KIF1A: variants seen among roughly 807,000 people sequenced by gnomAD.
KIF1A encodes the protein kinesin family member 1A, also known as kinesin-like protein KIF1A.
KIF1A carries 46 observed loss-of-function variants against 227.3 expected under a neutral mutation model. That is an observed-to-expected ratio of 0.20 (90% CI 0.16 to 0.26). KIF1A has a LOEUF of 0.26. Among genes scored for constraint, KIF1A ranks in the 10% least tolerant of loss-of-function variants. KIF1A has a pLI of 1.00. For missense variants in KIF1A, 1,683 were observed against 2,485.9 expected (o/e 0.68, Z 6.87); for synonymous variants, 1,022 against 1,012.8 (o/e 1.01, Z -0.17).
At chr2:240,800,105 G>GACACACACACACACACACACAC (rs3220094) in intron 1 of KIF1A, among the ~76,000 whole-genome samples, 2 of 142,960 alleles carry the variant, frequency 1.4e-5, no homozygotes, top group Non-Finnish European at 3.0e-5. Context: ...GTCCAAAGCA[G>GACACACACACACACACACACAC]ACACACACAC....
In KIF1A at chr2:240,716,663, G is replaced by A. The variant is rs1366245278; in HGVS notation, c.*701C>T. On this transcript the variant is annotated 3_prime_UTR_variant, in exon 49 of 49. Coordinates refer to ENST00000498729, the MANE Select transcript of KIF1A (RefSeq NM_001244008.2). ...GAGATGTGCGTTCTCCCTCCCACCA[G>A]AGGAACTCACACCACCCTCCATGCC... 1 of 152,286 alleles carries A rather than the reference G, an allele frequency of 6.6e-6. No homozygotes were observed. Among genetic ancestry groups the A allele is most frequent in the Non-Finnish European group, 1.5e-5 (1 of 68,068 alleles). The allele number at this position is 152,286 out of a possible 1,614,324, so 9.4% of individuals were successfully genotyped here.
chr2:240,751,929 G>T (rs893990626), intron 27 of KIF1A, among the ~76,000 whole-genome samples: 1 of 152,094 alleles, frequency 6.6e-6, no homozygotes, highest in Non-Finnish European at 1.5e-5. Context: ...CCCCTTGGCC[G>T]TCTCGTTCAT....
At chr2:240,721,148 C>T in intron 44 of KIF1A, 110 bp from the exon 45 acceptor site, 20 of 1,379,898 alleles carry the variant, frequency 1.4e-5, no homozygotes, top group Non-Finnish European at 1.9e-5. Flanking sequence ...TTAGGGCACC[C>T]CACCCCTCCT....
At chr2:240,798,307 C>G (rs2056626977) in intron 1 of KIF1A, among the ~76,000 whole-genome samples, 1 of 152,248 alleles carries the variant, frequency 6.6e-6, no homozygotes, top group Non-Finnish European at 1.5e-5. Flanking sequence ...AGTGTGGTCT[C>G]TGAATTAGCA....
rs777572818 is a variant in KIF1A at position 240,740,288 on chromosome 2, G to A, written c.3816+10C>T. On this transcript the variant is annotated intron_variant, in intron 36 of 48. Transcript: ENST00000498729. The surrounding 1 kb of genome is among the most constrained non-coding windows in gnomAD (Gnocchi z 6.1). The stretch of plus-strand genomic sequence containing the variant: ...GACACAGGCAGGGTAGGGGCAAGAG[G>A]GGCTCACACCTGGTGGAGGAGGAAG... 5.0e-6 allele frequency: 8 copies of A among 1,611,364 alleles called. No homozygotes were observed. The highest frequency in any genetic ancestry group is 4.4e-5 in the South Asian group (4 of 90,832).
Position 240,807,130 on chromosome 2 carries a change from G to GTGTGTA in KIF1A, c.-60-9319_-60-9318insTACACA, listed in dbSNP as rs1356399506. On this transcript the variant is annotated intron_variant, in intron 1 of 48. Transcript: ENST00000498729. ...TGTGTGTGTGTGTGTGTGTGTGTGT[G>GTGTGTA]TATATATATATATATATATATACAC... Among the ~76,000 whole-genome samples the GTGTGTA allele has an allele frequency of 1.9e-3, 225 of 119,390 alleles. 1 individual carries two copies. The highest frequency in any genetic ancestry group is 6.0e-3 in the East Asian group (26 of 4,328). 78.3% of individuals were successfully genotyped at this position (119,390 alleles called of 152,430 possible).
Position 240,744,039 on chromosome 2 carries a change from A to C in KIF1A, c.3487T>G (p.Ser1163Ala), listed in dbSNP as rs527346259. ...TGGCTCTTGATGTACTCAATGAAGG[A>C]CTTGGTCACCTCCACTGCGATCTGG... ...VQNIAVEVTKSFIEYIKSQPI... is the reference protein window; with the variant it reads ...VQNIAVEVTKAFIEYIKSQPI... Residue 1163 changes from serine (S) to alanine (A), a missense_variant, in exon 33 of 49, where the codon TCC (serine) becomes GCC (alanine). Around this residue, in one of 12 missense-constraint regions of KIF1A, gnomAD observed 759 missense variants for 1,020.2 expected, o/e 0.74. Coordinates refer to ENST00000498729, the MANE Select transcript of KIF1A (RefSeq NM_001244008.2). The C allele has an allele frequency of 2.5e-6, 4 of 1,613,534 alleles. No homozygotes were observed. The highest frequency in any genetic ancestry group is 1.7e-4 in the Middle Eastern group (1 of 6,060).
At chr2:240,818,084 G>A (rs966188267) in intron 1 of KIF1A, among the ~76,000 whole-genome samples, 2 of 152,252 alleles carry the variant, frequency 1.3e-5, no homozygotes, top group African/African-American at 4.8e-5. Context: ...ACCCGGCTGG[G>A]AGCAGGGCTG....
rs946705746 is a variant in KIF1A, at chr2:240,778,217, C to G, written c.883-2291G>C. Reference sequence around the variant, plus strand: ...CCGGTCACACCATTCATCAAGTTTCCCCACAAGTTCCACACGCAATTCTGT... The same window carrying G: ...CCGGTCACACCATTCATCAAGTTTCGCCACAAGTTCCACACGCAATTCTGT... On this transcript the variant is annotated intron_variant, in intron 10 of 48. Transcript: ENST00000498729. The surrounding 1 kb of genome is among the most constrained non-coding windows in gnomAD (Gnocchi z 7.2). 2.6e-5 allele frequency among the ~76,000 whole-genome samples: 4 copies of G among 152,120 alleles called. No homozygotes were observed. Among genetic ancestry groups the G allele is most frequent in the African/African-American group, 9.7e-5 (4 of 41,404 alleles).
chr2:240,757,997 G>A lies in KIF1A; in HGVS notation c.2582+363C>T, dbSNP rs989177238. 6.6e-6 allele frequency among the ~76,000 whole-genome samples: 1 copy of A among 152,356 alleles called. No homozygotes were observed. Among genetic ancestry groups the A allele is most frequent in the African/African-American group, 2.4e-5 (1 of 41,592 alleles). On this transcript the variant is annotated intron_variant, in intron 26 of 48. Coordinates refer to ENST00000498729, the MANE Select transcript of KIF1A (RefSeq NM_001244008.2). This position sits in a 1 kb window ranked among gnomAD's most constrained non-coding sequence, Gnocchi z 6.2. The stretch of plus-strand genomic sequence containing the variant: ...GGAGGCAGCCATTTGTAAGGCTCAG[G>A]TGACACAGCCCTGCCTCCATGTTCC...
chr2:240,760,799 A>T lies in KIF1A; in HGVS notation c.2310T>A (p.Pro770=), dbSNP rs762501472. 2 of 1,604,008 alleles carry T rather than the reference A, an allele frequency of 1.2e-6. No homozygotes were observed. The highest frequency in any genetic ancestry group is 1.7e-6 in the Non-Finnish European group (2 of 1,176,196). ...CTGGGGGCAGCAGGTCGGGTGGCAG[A>T]GGGGAGTAGAGTGTGTCCGTCAGGA... The part of the protein sequence containing the change: ...FVLLTDTLYS[P]LPPDLLPPEA... Residue 770 remains proline (P), a synonymous_variant, in exon 25 of 49, where the codon CCT becomes CCA. Transcript: ENST00000498729.
intron 23 of KIF1A, among the ~76,000 whole-genome samples, chr2:240,761,981 A>G (rs2050588413): frequency 6.6e-6 from 1 of 152,188 alleles, no homozygotes; most frequent in Admixed American, 6.5e-5. Context: ...GAGAAGGACA[A>G]GCAGGGACAC....
At position 240,789,755 on chromosome 2, in the gene KIF1A, G is replaced by T. The variant is rs571652052; in HGVS notation, c.107-443C>A. ...CCCGAGAAGCGCTGGAAGCCTGGGC[G>T]TCCATCACGTTTGTGTTACGCCTGT... On this transcript the variant is annotated intron_variant, in intron 2 of 48. Coordinates refer to ENST00000498729, the MANE Select transcript of KIF1A (RefSeq NM_001244008.2). The surrounding 1 kb of genome is among the most constrained non-coding windows in gnomAD (Gnocchi z 4.8). 6.6e-6 allele frequency among the ~76,000 whole-genome samples: 1 copy of T among 152,090 alleles called. No homozygotes were observed. The highest frequency in any genetic ancestry group is 6.5e-5 in the Admixed American group (1 of 15,272).
intron 10 of KIF1A, among the ~76,000 whole-genome samples, chr2:240,779,499 C>T (rs1187693745): frequency 6.6e-6 from 1 of 150,698 alleles, no homozygotes; most frequent in East Asian, 1.9e-4. Flanking sequence ...CAGTTCCACA[C>T]TCAGTTCCAC....
At position 240,793,658 on chromosome 2, in the gene KIF1A, T is replaced by G. The variant is rs1864873; in HGVS notation, c.106+3989A>C. ...AAGTGCACCTAATGGACAGCTCAGC[T>G]GGCTCACAAAACTGCTAGGTCTGGT... On this transcript the variant is annotated intron_variant, in intron 2 of 48. Coordinates refer to ENST00000498729, the MANE Select transcript of KIF1A (RefSeq NM_001244008.2). This position sits in a 1 kb window ranked among gnomAD's most constrained non-coding sequence, Gnocchi z 4.8. Among the ~76,000 whole-genome samples, 1,928 of 152,358 alleles carry G rather than the reference T, an allele frequency of 0.013. 49 individuals carry two copies. Among genetic ancestry groups the G allele is most frequent in the African/African-American group, 0.044 (1,812 of 41,586 alleles).
In KIF1A at chr2:240,745,885, A is replaced by G. The variant is rs757087817; in HGVS notation, c.3227T>C (p.Leu1076Pro). 2 of 1,607,700 alleles carry G rather than the reference A, an allele frequency of 1.2e-6. No individual in the cohort carries two copies. The highest frequency in any genetic ancestry group is 2.7e-5 in the African/African-American group (2 of 74,800). Residue 1076 changes from leucine (L) to proline (P), a missense_variant, in exon 31 of 49, where the codon CTA (leucine) becomes CCA (proline). Physicochemically the swap from Leu to Pro is moderately conservative, Grantham distance 98. Coordinates refer to ENST00000498729, the MANE Select transcript of KIF1A (RefSeq NM_001244008.2). ...CSAVPPEGLLLDSSEKAALDG... is the reference protein window; with the variant it reads ...CSAVPPEGLLPDSSEKAALDG... ...CAGGGCGGCTTTCTCAGAGCTGTCT[A>G]GGAGGAGGCCTTCTGGGGGCACTGC...
chr2:240,733,732 G>T (rs2047014163), intron 38 of KIF1A, among the ~76,000 whole-genome samples: 1 of 152,224 alleles, frequency 6.6e-6, no homozygotes, highest in Admixed American at 6.5e-5. Context: ...GCCAGGAGCG[G>T]CCTCACACCT....
chr2:240,728,968 G>A (rs771446320), intron 38 of KIF1A, among the ~76,000 whole-genome samples: 21 of 152,190 alleles, frequency 1.4e-4, no homozygotes, highest in Non-Finnish European at 2.8e-4. Flanking sequence ...TGAGAACAGA[G>A]CCTGGAGCTT....
At chr2:240,769,341 G>A (rs2051625001) in intron 16 of KIF1A, 133 bp from the exon 17 acceptor site, 1 of 742,598 alleles carries the variant, frequency 1.3e-6, no homozygotes, top group South Asian at 1.8e-5. Flanking sequence ...GTCCCATCTG[G>A]TCACTGGGTT....
Sources: gnomAD v4.1 joint callset for allele counts (sites outside exome capture counted in the v4.1 genomes callset) on GRCh38, gnomAD v4.1.1 for gene constraint, gnomAD v4.1.1 regional missense constraint, Gnocchi (gnomAD v3.1) non-coding constraint, MANE v1.5 for transcripts, NCBI Gene and HGNC (gene_info 2026-07-23, HGNC 2026-07-21) for gene names.